Variants in KHDRBS2 observed in about 807,000 individuals in gnomAD.
The protein encoded by KHDRBS2 is KH RNA binding domain containing, signal transduction associated 2.
A neutral mutation model predicts 44.3 loss-of-function variants in KHDRBS2; 26 were observed. The ratio of observed to expected loss-of-function variants is 0.59; its 90% CI spans 0.43 to 0.81. The LOEUF (loss-of-function observed/expected upper bound fraction) is 0.81, where lower values mean the gene tolerates loss of function less well. Ranked by LOEUF, KHDRBS2 falls within the 40% of genes least tolerant of loss-of-function variation. The probability of loss-of-function intolerance (pLI) is 0.00; values close to 1 mark genes in which losing one functional copy is unlikely to be tolerated. For synonymous variants in KHDRBS2, 194 were observed against 151.1 expected, an observed-to-expected ratio of 1.28 and a Z score of -2.08; for missense variants, 476 against 433.1, an observed-to-expected ratio of 1.10 and a Z score of -0.88.
chr6:61,954,662 A>ATGTG (rs1765774123), intron 4 of KHDRBS2, among the ~76,000 whole-genome samples: 1 of 135,332 alleles, frequency 7.4e-6, no homozygotes, highest in Non-Finnish European at 1.6e-5. Context: ...ATACATACAT[A>ATGTG]TGTGTATATA....
intron 2 of KHDRBS2, among the ~76,000 whole-genome samples, chr6:62,062,895 G>A (rs1307143161): frequency 6.8e-6 from 1 of 147,560 alleles, no homozygotes; most frequent in African/African-American, 2.5e-5. Context: ...GACTAATAAA[G>A]AAAAAAAGAG....
At chr6:61,986,775 C>A (rs1055255163) in intron 3 of KHDRBS2, among the ~76,000 whole-genome samples, 2 of 152,120 alleles carry the variant, frequency 1.3e-5, no homozygotes, top group Non-Finnish European at 2.9e-5. Flanking sequence ...CCACACATGG[C>A]AGAAGAGAGA....
the KHDRBS2 span, among the ~76,000 whole-genome samples, chr6:61,642,178 C>T: frequency 2.6e-5 from 4 of 152,112 alleles, no homozygotes; most frequent in African/African-American, 4.8e-5. Context: ...TTCTTTGTTT[C>T]GTATAGTGAA....
intron 6 of KHDRBS2, among the ~76,000 whole-genome samples, chr6:61,793,416 G>A (rs763567724): frequency 1.4e-4 from 21 of 151,810 alleles, no homozygotes; most frequent in Non-Finnish European, 2.7e-4. Flanking sequence ...CAATTATTAA[G>A]GAATACTATG....
chr6:61,858,075 G>A (rs1260758614), intron 6 of KHDRBS2, among the ~76,000 whole-genome samples: 1 of 151,780 alleles, frequency 6.6e-6, no homozygotes, highest in East Asian at 1.9e-4. Context: ...TCATGGTATA[G>A]ATTTATATTA....
the KHDRBS2 span, among the ~76,000 whole-genome samples, chr6:61,640,628 A>C: frequency 6.6e-6 from 1 of 152,162 alleles, no homozygotes; most frequent in African/African-American, 2.4e-5. Context: ...GATTCAACAC[A>C]ATAGATAGTT....
chr6:62,044,681 G>A (rs2127302822), intron 3 of KHDRBS2, among the ~76,000 whole-genome samples: 1 of 151,980 alleles, frequency 6.6e-6, no homozygotes, highest in African/African-American at 2.4e-5. Context: ...TGCCGACCCA[G>A]GCTTTGTAAA....
At chr6:62,106,966 A>G (rs1584743048) in intron 2 of KHDRBS2, among the ~76,000 whole-genome samples, 2 of 152,162 alleles carry the variant, frequency 1.3e-5, no homozygotes, top group African/African-American at 4.8e-5. Context: ...GCCATCTAAG[A>G]CAAACCCACA....
chr6:62,000,919 T>C (rs1475274197), intron 3 of KHDRBS2, among the ~76,000 whole-genome samples: 1 of 152,188 alleles, frequency 6.6e-6, no homozygotes, highest in Non-Finnish European at 1.5e-5. Flanking sequence ...CAGTCAAAAA[T>C]TCAGCAGAAA....
Position 61,982,462 on chromosome 6 carries a change from G to C in KHDRBS2, c.337-4250C>G, listed in dbSNP as rs1210524583. ...TGAGGAGGGCGGATCACGAGGTCAG[G>C]AGATCGAGACCATCCTGGCTAACAC... On this transcript the variant is annotated intron_variant, in intron 3 of 8. Coordinates refer to ENST00000281156, the MANE Select transcript of KHDRBS2 (RefSeq NM_152688.4). Among the ~76,000 whole-genome samples, 6 of 151,972 alleles carry C rather than the reference G, an allele frequency of 3.9e-5. No individual in the cohort carries two copies. In the South Asian group the frequency reaches 6.2e-4, roughly 16 times the overall value.
At chr6:62,065,843 A>G (rs1288150388) in intron 2 of KHDRBS2, among the ~76,000 whole-genome samples, 1 of 151,926 alleles carries the variant, frequency 6.6e-6, no homozygotes, top group African/African-American at 2.4e-5. Flanking sequence ...ATATGCTTAT[A>G]AAAATGATTC....
intron 7 of KHDRBS2, among the ~76,000 whole-genome samples, chr6:61,701,217 T>C (rs16898995): frequency 0.028 from 4,270 of 151,812 alleles, 218 homozygotes; most frequent in African/African-American, 0.099. Flanking sequence ...TTTAGAAAGG[T>C]TTACAAATTA....
intron 4 of KHDRBS2, among the ~76,000 whole-genome samples, chr6:61,940,081 A>G (rs796174353): frequency 6.6e-6 from 1 of 152,132 alleles, no homozygotes; most frequent in African/African-American, 2.4e-5. Context: ...ATTCAAATGT[A>G]TAAGCTTTTA....
At chr6:62,272,758 C>T (rs936770399) in intron 1 of KHDRBS2, among the ~76,000 whole-genome samples, 2 of 152,098 alleles carry the variant, frequency 1.3e-5, no homozygotes, top group African/African-American at 2.4e-5. Flanking sequence ...ATTCCAAGAA[C>T]AGTCCTATAA....
intron 3 of KHDRBS2, among the ~76,000 whole-genome samples, chr6:62,001,037 A>C (rs1285802006): frequency 2.0e-5 from 3 of 152,196 alleles, no homozygotes; most frequent in Non-Finnish European, 4.4e-5. Context: ...GTGCTTGAGC[A>C]ATAATGTGTG....
chr6:61,852,503 GC>G (rs1273463546), intron 6 of KHDRBS2, among the ~76,000 whole-genome samples: 4 of 150,924 alleles, frequency 2.7e-5, no homozygotes, highest in African/African-American at 9.8e-5. Context: ...GGCAGAGGCT[GC>G]AGTGAGACGA....
intron 2 of KHDRBS2, among the ~76,000 whole-genome samples, chr6:62,071,310 A>G (rs1253951233): frequency 2.6e-5 from 4 of 152,068 alleles, no homozygotes; most frequent in Non-Finnish European, 5.9e-5. Flanking sequence ...CTCTGATGGT[A>G]GTTTCTTTTG....
chr6:61,550,690 T>G, the KHDRBS2 span, among the ~76,000 whole-genome samples: 1 of 152,050 alleles, frequency 6.6e-6, no homozygotes. Context: ...AGTATTCCCT[T>G]TTCTATACAA....
chr6:61,575,879 C>A, the KHDRBS2 span, among the ~76,000 whole-genome samples: 3 of 152,172 alleles, frequency 2.0e-5, no homozygotes, highest in Non-Finnish European at 2.9e-5. Context: ...CATATGTTCT[C>A]ACTTATAATT....
Sources: allele counts gnomAD v4.1 joint callset (sites outside exome capture counted in the v4.1 genomes callset), GRCh38; gene constraint gnomAD v4.1.1; transcripts MANE v1.5; gene names NCBI Gene and HGNC (gene_info 2026-07-23, HGNC 2026-07-21).